The following TRERF1 variants were observed in gnomAD, a reference collection of about 807,000 sequenced individuals.
The protein encoded by TRERF1 is transcriptional-regulating factor 1.
In TRERF1, 27 loss-of-function variants were observed where a neutral mutation model predicts 122.9. The ratio of observed to expected loss-of-function variants is 0.22; its 90% CI spans 0.16 to 0.30. TRERF1 has a LOEUF of 0.30. TRERF1 is among the 10% of genes least tolerant of loss of function. The pLI is 1.00. For synonymous variants in TRERF1, 636 were observed against 641.7 expected, an observed-to-expected ratio of 0.99 and a Z score of 0.13; for missense variants, 1,248 against 1,560.3, an observed-to-expected ratio of 0.80 and a Z score of 3.37.
intron 4 of TRERF1, among the ~76,000 whole-genome samples, chr6:42,278,457 C>T (rs1249176911): frequency 6.6e-6 from 1 of 152,152 alleles, no homozygotes; most frequent in African/African-American, 2.4e-5. Flanking sequence ...CCTATGGTTC[C>T]AAGGAGAAAG....
At chr6:42,409,052 C>T (rs1315065380) in intron 2 of TRERF1, among the ~76,000 whole-genome samples, 3 of 152,048 alleles carry the variant, frequency 2.0e-5, no homozygotes, top group South Asian at 2.1e-4. Context: ...ATTCGGGAGG[C>T]TGAAGCAGGA....
intron 2 of TRERF1, among the ~76,000 whole-genome samples, chr6:42,399,547 C>T (rs1779100418): frequency 6.6e-6 from 1 of 152,188 alleles, no homozygotes; most frequent in Non-Finnish European, 1.5e-5. Context: ...GGAGCGGCTG[C>T]AGCGCTGGGG....
intron 2 of TRERF1, among the ~76,000 whole-genome samples, chr6:42,419,732 G>A (rs1782484399): frequency 1.3e-5 from 2 of 152,186 alleles, no homozygotes; most frequent in South Asian, 2.1e-4. Flanking sequence ...ACAACTCCAT[G>A]GTGGGGATTA....
intron 2 of TRERF1, among the ~76,000 whole-genome samples, chr6:42,401,795 C>T (rs896605070): frequency 1.3e-5 from 2 of 152,176 alleles, no homozygotes; most frequent in African/African-American, 4.8e-5. Flanking sequence ...TGAGTTCATC[C>T]CCAAAGATTG....
intron 12 of TRERF1, among the ~76,000 whole-genome samples, chr6:42,255,258 T>C (rs552005664): frequency 2.5e-4 from 38 of 152,340 alleles, no homozygotes; most frequent in African/African-American, 8.9e-4. Flanking sequence ...TGGGCAAAGA[T>C]TCCTAGGAAA....
chr6:42,284,162 T>C (rs1371155971), intron 4 of TRERF1, among the ~76,000 whole-genome samples: 1 of 152,204 alleles, frequency 6.6e-6, no homozygotes, highest in African/African-American at 2.4e-5. Context: ...GGTAAAGGAA[T>C]TGTAGTGCAG....
intron 2 of TRERF1, among the ~76,000 whole-genome samples, chr6:42,373,050 GGTT>G (rs1459077121): frequency 3.3e-5 from 5 of 152,190 alleles, no homozygotes; most frequent in African/African-American, 1.2e-4. Flanking sequence ...CCCATGCTAT[GGTT>G]GTTGTAAAGA....
At chr6:42,395,171 C>G (rs1778383818) in intron 2 of TRERF1, among the ~76,000 whole-genome samples, 1 of 152,198 alleles carries the variant, frequency 6.6e-6, no homozygotes, top group Admixed American at 6.5e-5. Flanking sequence ...GCTGTGTGAC[C>G]TTGTGACAGC....
intron 2 of TRERF1, among the ~76,000 whole-genome samples, chr6:42,367,571 C>T (rs138333798): frequency 4.3e-4 from 66 of 152,276 alleles, no homozygotes; most frequent in African/African-American, 1.5e-3. Flanking sequence ...ACACTCCCAC[C>T]GCACCAAGAT....
chr6:42,389,106 TAAAAAG>T, intron 2 of TRERF1, among the ~76,000 whole-genome samples: 1 of 152,218 alleles, frequency 6.6e-6, no homozygotes, highest in African/African-American at 2.4e-5. Flanking sequence ...AGGGGGTACT[TAAAAAG>T]AAAAAATCAA....
intron 13 of TRERF1, among the ~76,000 whole-genome samples, chr6:42,247,091 G>A (rs1348584006): frequency 6.6e-6 from 1 of 152,160 alleles, no homozygotes; most frequent in Admixed American, 6.5e-5. Context: ...GGTGCCAATG[G>A]GGCACAAAGG....
intron 2 of TRERF1, among the ~76,000 whole-genome samples, chr6:42,382,951 A>C (rs1776204321): frequency 6.6e-6 from 1 of 152,136 alleles, no homozygotes; most frequent in African/African-American, 2.4e-5. Flanking sequence ...GGTGTGGGGC[A>C]AAATCACTCC....
intron 2 of TRERF1, among the ~76,000 whole-genome samples, chr6:42,408,039 T>G (rs900213695): frequency 6.6e-6 from 1 of 151,770 alleles, no homozygotes; most frequent in African/African-American, 2.4e-5. Flanking sequence ...CAGTTTATGA[T>G]CCAGGCTTCA....
intron 13 of TRERF1, among the ~76,000 whole-genome samples, chr6:42,253,046 T>G (rs1048664995): frequency 2.0e-5 from 3 of 152,132 alleles, no homozygotes; most frequent in African/African-American, 7.2e-5. Context: ...ACCCCTAACC[T>G]CAAGAGATCA....
At chr6:42,324,978 G>GGA (rs1327587716) in intron 3 of TRERF1, among the ~76,000 whole-genome samples, 1 of 152,024 alleles carries the variant, frequency 6.6e-6, no homozygotes, top group Non-Finnish European at 1.5e-5. Flanking sequence ...CTACAGAATG[G>GGA]GAGAAAATGT....
At chr6:42,422,378 T>A (rs1782898946) in intron 2 of TRERF1, among the ~76,000 whole-genome samples, 1 of 151,156 alleles carries the variant, frequency 6.6e-6, no homozygotes, top group Admixed American at 6.6e-5. Context: ...GTTAGCCAAG[T>A]ATGGTGGCGT....
At chr6:42,296,736 G>C (rs898034720) in intron 4 of TRERF1, among the ~76,000 whole-genome samples, 10 of 152,146 alleles carry the variant, frequency 6.6e-5, no homozygotes, top group Admixed American at 4.6e-4. Flanking sequence ...AGGAAAAAGA[G>C]GCAGAGGGAA....
intron 3 of TRERF1, among the ~76,000 whole-genome samples, chr6:42,362,319 C>T (rs934550930): frequency 6.6e-6 from 1 of 152,218 alleles, no homozygotes; most frequent in African/African-American, 2.4e-5. Context: ...GAAAACAAAA[C>T]CACACACACC....
chr6:42,246,650 T>G, intron 13 of TRERF1, 106 bp from the exon 14 acceptor site: 1 of 714,654 alleles, frequency 1.4e-6, no homozygotes, highest in East Asian at 2.8e-5. Flanking sequence ...GCAAGTGATA[T>G]AATACATATC....
Sources: gnomAD v4.1 joint callset for allele counts (sites outside exome capture counted in the v4.1 genomes callset) on GRCh38, gnomAD v4.1.1 for gene constraint, MANE v1.5 for transcripts, NCBI Gene and HGNC (gene_info 2026-07-23, HGNC 2026-07-21) for gene names.